Variants in SMG6 observed in about 807,000 individuals in gnomAD.
The protein encoded by SMG6 is telomerase-binding protein EST1A.
A neutral mutation model predicts 142.2 loss-of-function variants in SMG6; 66 were observed. The observed-to-expected ratio is 0.46, with a 90% confidence interval of 0.38 to 0.57. The LOEUF (loss-of-function observed/expected upper bound fraction) is 0.57. Among genes scored for constraint, SMG6 ranks in the 20% least tolerant of loss-of-function variants. SMG6 has a pLI of 0.00. For missense variants in SMG6, 1,793 were observed against 1,832.0 expected (o/e 0.98, Z 0.39); for synonymous variants, 779 against 702.4 (o/e 1.11, Z -1.72).
intron 10 of SMG6, among the ~76,000 whole-genome samples, chr17:2,202,476 CG>C (rs2072559273): frequency 1.3e-5 from 2 of 151,882 alleles, no homozygotes; most frequent in South Asian, 4.1e-4. Context: ...CACTTGAGCC[CG>C]GAAGTTCAAG....
chr17:2,297,892 G>C lies in SMG6; in HGVS notation c.2011C>G (p.Arg671Gly). 5 of 1,611,986 alleles carry C rather than the reference G, an allele frequency of 3.1e-6. No individual in the cohort carries two copies. Among genetic ancestry groups the C allele is most frequent in the Non-Finnish European group, 4.2e-6 (5 of 1,180,016 alleles). Residue 671 changes from arginine to glycine, a missense_variant, in exon 3 of 19, where the codon CGG (arginine) becomes GGG (glycine). Physicochemically the swap from Arg to Gly is moderately radical, Grantham distance 125. Around this residue, in one of 3 missense-constraint regions of SMG6, gnomAD observed 1,597 missense variants for 1,584.6 expected, o/e 1.01. Transcript: ENST00000263073. ...TCCAAGAGCTCCAAAAGTCTGTTCC[G>C]AATCTGTTCTGGGTTCTCAACATTC... Reference protein sequence around the residue: ...DPNVENPEQIRNRLLELLDEG... With the variant: ...DPNVENPEQIGNRLLELLDEG...
At chr17:2,100,246 C>G (rs1387970878) in intron 13 of SMG6, among the ~76,000 whole-genome samples, 1 of 152,174 alleles carries the variant, frequency 6.6e-6, no homozygotes, top group Non-Finnish European at 1.5e-5. Flanking sequence ...CCATGTTGGC[C>G]AGGCTAGTCT....
intron 14 of SMG6, 130 bp from the exon 15 acceptor site, chr17:2,082,086 C>A: frequency 1.2e-6 from 1 of 868,892 alleles, no homozygotes. Context: ...AAAGGGTCCC[C>A]TGGTGTGTGC....
At chr17:2,113,080 CAG>C (rs946075674) in intron 13 of SMG6, among the ~76,000 whole-genome samples, 8 of 151,668 alleles carry the variant, frequency 5.3e-5, no homozygotes, top group Non-Finnish European at 7.4e-5. Flanking sequence ...TTTTAAGAGA[CAG>C]AGTCTTGCTC....
chr17:2,144,649 A>G (rs890712692), intron 13 of SMG6, among the ~76,000 whole-genome samples: 2 of 152,040 alleles, frequency 1.3e-5, no homozygotes, highest in African/African-American at 4.8e-5. Context: ...TTTTTTCCAG[A>G]GAGGACTTGT....
chr17:2,089,716 GAGGCTGTTCTCT>G (rs1427724645), intron 13 of SMG6: 4 of 152,090 alleles, frequency 2.6e-5, no homozygotes, highest in Non-Finnish European at 5.9e-5. Flanking sequence ...GGCGATACCG[GAGGCTGTTCTCT>G]CCTAGGCTCA....
chr17:2,286,987 A>G (rs922975932), intron 6 of SMG6, among the ~76,000 whole-genome samples: 2 of 137,542 alleles, frequency 1.5e-5, no homozygotes, highest in Non-Finnish European at 3.0e-5. Flanking sequence ...GCTGGAGTGC[A>G]GTGGCGTGAT....
chr17:2,255,798 AG>A (rs1262489890), intron 8 of SMG6: 2 of 223,696 alleles, frequency 8.9e-6, no homozygotes, highest in African/African-American at 4.7e-5. Context: ...TCTGTGTGGA[AG>A]GAAGTAGACA....
At chr17:2,104,524 C>A (rs2069100792) in intron 13 of SMG6, among the ~76,000 whole-genome samples, 1 of 151,446 alleles carries the variant, frequency 6.6e-6, no homozygotes, top group African/African-American at 2.4e-5. Context: ...ATGCCAGAAG[C>A]TCTTTAAAGA....
At chr17:2,294,417 G>A (rs907031048) in intron 4 of SMG6, among the ~76,000 whole-genome samples, 11 of 152,178 alleles carry the variant, frequency 7.2e-5, no homozygotes, top group African/African-American at 2.7e-4. Context: ...GTCAGCCTCA[G>A]CATGAAGTCC....
chr17:2,210,796 G>A (rs1161784561), intron 10 of SMG6, among the ~76,000 whole-genome samples: 1 of 147,772 alleles, frequency 6.8e-6, no homozygotes, highest in East Asian at 2.0e-4. Context: ...CAAGCTAAGA[G>A]CTAAGAAGAA....
At chr17:2,123,718 C>T (rs769712679) in intron 13 of SMG6, among the ~76,000 whole-genome samples, 1 of 152,154 alleles carries the variant, frequency 6.6e-6, no homozygotes, top group Non-Finnish European at 1.5e-5. Flanking sequence ...GAAATAGCAC[C>T]GAAGTGAAGC....
At chr17:2,169,344 A>G (rs982095864) in intron 13 of SMG6, among the ~76,000 whole-genome samples, 1 of 152,040 alleles carries the variant, frequency 6.6e-6, no homozygotes, top group African/African-American at 2.4e-5. Flanking sequence ...TAATACTTAC[A>G]TGGCAGGCTT....
At chr17:2,096,430 A>T (rs2068857445) in intron 13 of SMG6, among the ~76,000 whole-genome samples, 1 of 152,220 alleles carries the variant, frequency 6.6e-6, no homozygotes, top group Non-Finnish European at 1.5e-5. Context: ...GATGGCCTCG[A>T]ACTCCTGACC....
chr17:2,163,715 G>A (rs1323505907), intron 13 of SMG6, among the ~76,000 whole-genome samples: 1 of 141,796 alleles, frequency 7.1e-6, no homozygotes, highest in Non-Finnish European at 1.5e-5. Flanking sequence ...ACGTCTTACT[G>A]TACTGACTAG....
In SMG6 at chr17:2,139,425, CTTTTTTT is replaced by C. The variant is rs375417133; in HGVS notation, c.3357+33226_3357+33232del. Among the ~76,000 whole-genome samples the C allele has an allele frequency of 5.7e-5, 8 of 139,248 alleles. No individual in the cohort carries two copies. The South Asian group carries it at 9.0e-4, about 16-fold the overall frequency. 91.4% of individuals were successfully genotyped at this position (139,248 alleles called of 152,430 possible). A position where few individuals can be genotyped will look rare whatever the true frequency, so the allele number is the denominator to read the frequency against. On this transcript the variant is annotated intron_variant, in intron 13 of 18. Coordinates refer to ENST00000263073, the MANE Select transcript of SMG6 (RefSeq NM_017575.5). ...CTTATGGAAAAGTGCCTGCTTTTTT[CTTTTTTT>C]TTTTTTTGAGATGGAGTCTCACTCT...
intron 13 of SMG6, among the ~76,000 whole-genome samples, chr17:2,164,831 G>A (rs1271075665): frequency 6.6e-6 from 1 of 151,566 alleles, no homozygotes; most frequent in Non-Finnish European, 1.5e-5. Context: ...CAGCTACTCC[G>A]GAGGCTGAGG....
At chr17:2,127,549 T>C in intron 13 of SMG6, 2 of 602,998 alleles carry the variant, frequency 3.3e-6, no homozygotes, top group South Asian at 2.8e-5. Flanking sequence ...ATCCTCAGTT[T>C]CTATCTTCCT....
intron 8 of SMG6, among the ~76,000 whole-genome samples, chr17:2,276,343 T>C (rs998472769): frequency 2.6e-5 from 4 of 152,012 alleles, no homozygotes; most frequent in African/African-American, 2.4e-5. Context: ...CACAGGATCA[T>C]GTTAGGAGCC....
Sources: gnomAD v4.1 joint callset for allele counts (sites outside exome capture counted in the v4.1 genomes callset) on GRCh38, gnomAD v4.1.1 for gene constraint, gnomAD v4.1.1 regional missense constraint, MANE v1.5 for transcripts, NCBI Gene and HGNC (gene_info 2026-07-23, HGNC 2026-07-21) for gene names.